Variants in HMCN1 observed in about 807,000 individuals in gnomAD.
HMCN1 encodes hemicentin 1, also known as hemicentin-1.
HMCN1 carries 321 observed loss-of-function variants against 625.9 expected under a neutral mutation model. That is an observed-to-expected ratio of 0.51 (90% confidence interval 0.47 to 0.56). The LOEUF (loss-of-function observed/expected upper bound fraction) is 0.56, where lower values mean the gene tolerates loss of function less well. Ranked by LOEUF, HMCN1 falls within the 20% of genes least tolerant of loss-of-function variation. The pLI, the probability that HMCN1 is intolerant of heterozygous loss-of-function variation, is 0.00. For missense variants in HMCN1, 6,588 were observed against 6,887.3 expected (o/e 0.96, Z 1.54); for synonymous variants, 2,425 against 2,417.6 (o/e 1.00, Z -0.09).
chr1:186,082,609 G>C (rs1281111653), intron 56 of HMCN1, among the ~76,000 whole-genome samples: 4 of 152,032 alleles, frequency 2.6e-5, no homozygotes, highest in Non-Finnish European at 5.9e-5. Flanking sequence ...AGAGAAATGG[G>C]AGAATAATTT....
chr1:185,776,441 G>GA (rs1656615153), intron 1 of HMCN1, among the ~76,000 whole-genome samples: 1 of 113,398 alleles, frequency 8.8e-6, no homozygotes, highest in Non-Finnish European at 1.7e-5. Flanking sequence ...ATTGTATAGG[G>GA]TTGTGTGTGT....
intron 35 of HMCN1, among the ~76,000 whole-genome samples, chr1:186,020,611 T>C (rs1654661006): frequency 6.6e-6 from 1 of 152,088 alleles, no homozygotes; most frequent in Non-Finnish European, 1.5e-5. Flanking sequence ...TGAATGATGC[T>C]AAGAGAAAAC....
intron 39 of HMCN1, 84 bp from the exon 40 acceptor site, chr1:186,040,929 G>A (rs1306628965): frequency 1.4e-6 from 2 of 1,464,164 alleles, no homozygotes; most frequent in Non-Finnish European, 1.9e-6. Flanking sequence ...CAACTGATAA[G>A]CCTCAAAAAA....
chr1:185,932,111 C>A (rs1192393492), intron 10 of HMCN1, among the ~76,000 whole-genome samples: 1 of 152,068 alleles, frequency 6.6e-6, no homozygotes, highest in Non-Finnish European at 1.5e-5. Context: ...TACCTGGGAA[C>A]CCTAGCCAGA....
rs1651593875 is a variant in HMCN1 at position 185,981,011 on chromosome 1, G to A, written c.2600G>A (p.Cys867Tyr). 1.2e-6 allele frequency: 2 copies of A among 1,611,874 alleles called. No homozygotes were observed. The highest frequency in any genetic ancestry group is 1.7e-6 in the Non-Finnish European group (2 of 1,178,172). The change falls in exon 17 of 107, where the codon TGT becomes TAT. Residue 867 changes from cysteine to tyrosine, a missense_variant. Transcript: ENST00000271588. ...LWASDKGTYI[C>Y]EAENQFGKIQ... ...GCAAGTGATAAAGGAACCTATATTT[G>A]TGAAGCTGAAAACCAGTTTGGAAAG...
chr1:186,142,871 T>G (rs1006672007), intron 89 of HMCN1, among the ~76,000 whole-genome samples: 2 of 152,332 alleles, frequency 1.3e-5, no homozygotes. Flanking sequence ...CATTATATTG[T>G]AAGAGGCTGA....
chr1:186,019,449 A>G, intron 34 of HMCN1, 92 bp from the exon 35 acceptor site: 4 of 888,376 alleles, frequency 4.5e-6, no homozygotes, highest in Non-Finnish European at 7.4e-6. Flanking sequence ...TTTTTTTTCT[A>G]AATTTTAAGG....
chr1:186,027,573 GTA>G (rs1266681723), intron 36 of HMCN1, among the ~76,000 whole-genome samples: 2 of 152,200 alleles, frequency 1.3e-5, no homozygotes, highest in Admixed American at 6.5e-5. Context: ...GATAGAGAGA[GTA>G]TACCACAGTT....
At chr1:185,755,909 G>T (rs1402651841) in intron 1 of HMCN1, among the ~76,000 whole-genome samples, 2 of 152,086 alleles carry the variant, frequency 1.3e-5, no homozygotes, top group Non-Finnish European at 2.9e-5. Flanking sequence ...TCAACTTGGG[G>T]TCTCACTATG....
intron 4 of HMCN1, among the ~76,000 whole-genome samples, chr1:185,899,046 C>T (rs1198450197): frequency 1.3e-5 from 2 of 152,022 alleles, no homozygotes; most frequent in African/African-American, 4.8e-5. Flanking sequence ...CCTTCCAAGT[C>T]TCTAAAAAGG....
At chr1:185,796,365 GTT>G in intron 1 of HMCN1, among the ~76,000 whole-genome samples, 1 of 152,188 alleles carries the variant, frequency 6.6e-6, no homozygotes, top group Admixed American at 6.5e-5. Context: ...TGGTCTGGGT[GTT>G]GAGGACCCCT....
At chr1:186,106,295 C>T (rs1465369550) in intron 69 of HMCN1, among the ~76,000 whole-genome samples, 1 of 152,074 alleles carries the variant, frequency 6.6e-6, no homozygotes, top group Non-Finnish European at 1.5e-5. Context: ...CCATGGAAAC[C>T]ATGCTTGGTG....
At chr1:185,984,373 T>C in intron 19 of HMCN1, 60 bp downstream of exon 19, 1 of 1,497,526 alleles carries the variant, frequency 6.7e-7, no homozygotes, top group Non-Finnish European at 9.3e-7. Context: ...TGTTCTTATA[T>C]TTTAATCAAA....
chr1:186,069,278 A>G (rs554450284), intron 50 of HMCN1, among the ~76,000 whole-genome samples: 56 of 152,348 alleles, frequency 3.7e-4, no homozygotes, highest in African/African-American at 1.3e-3. Context: ...GGATAGGACC[A>G]AAATAAAAAC....
At chr1:186,080,713 G>A (rs187329936) in intron 55 of HMCN1, among the ~76,000 whole-genome samples, 5 of 152,272 alleles carry the variant, frequency 3.3e-5, no homozygotes, top group African/African-American at 9.6e-5. Context: ...TACCACTGGT[G>A]CTGAGGCTGG....
At chr1:185,815,238 C>G (rs1222453515) in intron 1 of HMCN1, among the ~76,000 whole-genome samples, 1 of 150,196 alleles carries the variant, frequency 6.7e-6, no homozygotes, top group Admixed American at 6.6e-5. Flanking sequence ...TTGTTTGACA[C>G]AGACTGTGAG....
chr1:185,981,326 GCA>G (rs58305455), intron 17 of HMCN1, among the ~76,000 whole-genome samples: 165 of 147,358 alleles, frequency 1.1e-3, no homozygotes, highest in South Asian at 3.0e-3. Context: ...ATACACACAT[GCA>G]CACACACACA....
At chr1:185,978,030 A>G (rs769530237) in intron 16 of HMCN1, 49 bp downstream of exon 16, 2 of 1,356,612 alleles carry the variant, frequency 1.5e-6, no homozygotes, top group Non-Finnish European at 2.1e-6. Flanking sequence ...TTTATGTTAT[A>G]TATTTATGTT....
At chr1:186,150,226 TGCTTTAA>T (rs1650583626) in intron 93 of HMCN1, among the ~76,000 whole-genome samples, 2 of 152,230 alleles carry the variant, frequency 1.3e-5, no homozygotes, top group Non-Finnish European at 2.9e-5. Context: ...TCCTAGTGAT[TGCTTTAA>T]AATGTATTAA....
Sources: gnomAD v4.1 joint callset for allele counts (sites outside exome capture counted in the v4.1 genomes callset) on GRCh38, gnomAD v4.1.1 for gene constraint, MANE v1.5 for transcripts, NCBI Gene and HGNC (gene_info 2026-07-23, HGNC 2026-07-21) for gene names.